The following CFAP46 variants were observed in gnomAD, a reference collection of about 807,000 sequenced individuals.
CFAP46 encodes the protein cilia- and flagella-associated protein 46.
In CFAP46, 245 loss-of-function variants were observed where a neutral mutation model predicts 325.7. That is an observed-to-expected ratio of 0.75 (90% confidence interval 0.68 to 0.84). CFAP46 has a LOEUF of 0.84. Ranked by LOEUF, CFAP46 falls within the 40% of genes least tolerant of loss-of-function variation. The pLI is 0.00. For missense variants in CFAP46, 3,346 were observed against 3,543.0 expected (o/e 0.94, Z 1.41); for synonymous variants, 1,523 against 1,495.9 (o/e 1.02, Z -0.42).
At position 132,814,764 on chromosome 10, in the gene CFAP46, G is replaced by T. The variant is rs550083484; in HGVS notation, c.7189-18C>A. 2.5e-6 allele frequency: 4 copies of T among 1,613,612 alleles called. No homozygotes were observed. The African/African-American group carries it at 4.0e-5, about 16-fold the overall frequency. The stretch of plus-strand genomic sequence containing the variant: ...ATGCTGCCCTGCAACCACAGACCAG[G>T]GTCAGCAGGTGCAGGGGCCAGGAGC... On this transcript the variant is annotated intron_variant, in intron 51 of 57. Coordinates refer to ENST00000368586, the MANE Select transcript of CFAP46 (RefSeq NM_001200049.3).
At chr10:132,836,083 C>G (rs1345900461) in intron 46 of CFAP46, 59 bp downstream of exon 46, 2 of 1,436,266 alleles carry the variant, frequency 1.4e-6, no homozygotes, top group East Asian at 4.8e-5. Flanking sequence ...CACCTCCCCA[C>G]TCTCGCCCAT....
chr10:132,885,809 G>A lies in CFAP46; in HGVS notation c.3443+12C>T, dbSNP rs1564789831. ...GGAGGGAGCACTCACAGGCGGTGGG[G>A]GGAGCACTCACAGGCGGTGGGCCGT... On this transcript the variant is annotated intron_variant, in intron 26 of 57. Coordinates refer to ENST00000368586, the MANE Select transcript of CFAP46 (RefSeq NM_001200049.3). The A allele has an allele frequency of 6.5e-7, 1 of 1,544,888 alleles. No homozygotes were observed. Among genetic ancestry groups the A allele is most frequent in the Non-Finnish European group, 8.7e-7 (1 of 1,145,072 alleles).
chr10:132,921,431 C>T (rs1824010487), intron 13 of CFAP46, among the ~76,000 whole-genome samples: 1 of 152,232 alleles, frequency 6.6e-6, no homozygotes, highest in Non-Finnish European at 1.5e-5. Flanking sequence ...AGTCCCCGCA[C>T]ATGGGCCGTA....
intron 24 of CFAP46, among the ~76,000 whole-genome samples, chr10:132,897,065 G>T (rs559110722): frequency 6.6e-6 from 1 of 152,302 alleles, no homozygotes; most frequent in African/African-American, 2.4e-5. Flanking sequence ...ACATGGAAAA[G>T]GCTGATGTTG....
Position 132,814,671 on chromosome 10 carries a change from C to T in CFAP46, c.7249+15G>A. 2 of 1,591,560 alleles carry T rather than the reference C, an allele frequency of 1.3e-6. No individual in the cohort carries two copies. The highest frequency in any genetic ancestry group is 1.1e-5 in the South Asian group (1 of 88,940). The stretch of plus-strand genomic sequence containing the variant: ...GGCGGGGTCTGGGGCCCCCCCGGGG[C>T]CCATCAAAGGATACACTTGAAGTTG... On this transcript the variant is annotated intron_variant, in intron 52 of 57. Coordinates refer to ENST00000368586, the MANE Select transcript of CFAP46 (RefSeq NM_001200049.3).
At chr10:132,812,572 G>A (rs574051762) in intron 55 of CFAP46, among the ~76,000 whole-genome samples, 26 of 152,128 alleles carry the variant, frequency 1.7e-4, no homozygotes, top group African/African-American at 5.5e-4. Context: ...TGGCTGCCAC[G>A]TCTGTGTGGG....
At chr10:132,931,067 C>CAA (rs1849892109) in intron 8 of CFAP46, among the ~76,000 whole-genome samples, 1 of 109,744 alleles carries the variant, frequency 9.1e-6, no homozygotes, top group Non-Finnish European at 1.9e-5. Context: ...CTGGGCCTCC[C>CAA]TCCTCTCCAC....
At chr10:132,862,275 A>G (rs970248617) in intron 35 of CFAP46, among the ~76,000 whole-genome samples, 4 of 152,152 alleles carry the variant, frequency 2.6e-5, no homozygotes, top group African/African-American at 4.8e-5. Context: ...CAAGGGTCCA[A>G]CGGGGCCGGG....
intron 22 of CFAP46, among the ~76,000 whole-genome samples, chr10:132,907,057 C>T (rs188133856): frequency 1.3e-5 from 2 of 152,392 alleles, no homozygotes; most frequent in East Asian, 1.9e-4. Flanking sequence ...CGCATCCCCA[C>T]GGGTGTGGCC....
chr10:132,823,098 ATGTGCTGATG>A (rs1460744245), intron 50 of CFAP46, among the ~76,000 whole-genome samples: 1 of 47,112 alleles, frequency 2.1e-5, no homozygotes, highest in African/African-American at 8.7e-5. Context: ...TGTGCTTTGT[ATGTGCTGATG>A]TGTGCTGTGT....
chr10:132,850,563 C>A, intron 40 of CFAP46, 131 bp from the exon 41 acceptor site: 2 of 895,778 alleles, frequency 2.2e-6, no homozygotes, highest in South Asian at 1.8e-5. Context: ...GAAAGCCTTG[C>A]CCCGCAGGGA....
chr10:132,930,266 G>T (rs1209989801), intron 8 of CFAP46, among the ~76,000 whole-genome samples: 1 of 135,814 alleles, frequency 7.4e-6, no homozygotes, highest in African/African-American at 2.9e-5. Flanking sequence ...ACAGAGCATG[G>T]GACTCCCCAC....
At chr10:132,880,831 G>T in intron 28 of CFAP46, 30 bp downstream of exon 28, 2 of 1,537,670 alleles carry the variant, frequency 1.3e-6, no homozygotes, top group Non-Finnish European at 8.7e-7. Context: ...GCGGCGTGGG[G>T]TCGGCACCCT....
At chr10:132,849,090 C>T (rs1014035417) in intron 41 of CFAP46, among the ~76,000 whole-genome samples, 2 of 152,224 alleles carry the variant, frequency 1.3e-5, no homozygotes, top group Admixed American at 6.5e-5. Context: ...GCGGGGGCCG[C>T]GGAAGAACCC....
chr10:132,850,263 T>G lies in CFAP46; in HGVS notation c.5933A>C (p.Tyr1978Ser). The change falls in exon 41 of 58, where the codon TAC (tyrosine) becomes TCC (serine). Residue 1978 changes from tyrosine to serine, a missense_variant. Transcript: ENST00000368586. The stretch of plus-strand genomic sequence containing the variant: ...ACCTACCGAGGGGCCCGCCTCCCAG[T>G]AGCAGGTAGGGTGCACAGGGTCAGC... ...MQADPVHPTCYWEAGPSVGAK... is the reference protein window; with the variant it reads ...MQADPVHPTCSWEAGPSVGAK... 1 of 1,550,752 alleles carries G rather than the reference T, an allele frequency of 6.4e-7. No homozygotes were observed. The highest frequency in any genetic ancestry group is 8.7e-7 in the Non-Finnish European group (1 of 1,146,910).
At position 132,814,877 on chromosome 10, in the gene CFAP46, G is replaced by A. The variant is rs1175677852; in HGVS notation, c.7155C>T (p.Pro2385=). The A allele has an allele frequency of 1.2e-6, 2 of 1,614,130 alleles. No individual in the cohort carries two copies. The highest frequency in any genetic ancestry group is 8.5e-7 in the Non-Finnish European group (1 of 1,179,998). The part of the protein sequence containing the change: ...GVKKEGRSRD[P]KKRSLAKKGR... ...CCTTCTTCGCTAGGCTTCTCTTTTT[G>A]GGGTCTCTGCTTCTTCCCTCCTTTT... The change falls in exon 51 of 58, where the codon CCC becomes CCT. Residue 2385 remains proline (P), a synonymous_variant. Coordinates refer to ENST00000368586, the MANE Select transcript of CFAP46 (RefSeq NM_001200049.3).
Position 132,832,078 on chromosome 10 carries a change from G to C in CFAP46, c.7117+1280C>G, listed in dbSNP as rs769106082. ...CTGTCGTCATTCATTTCACATTTAT[G>C]TTATAAAACCCCATACCATTATTAT... On this transcript the variant is annotated intron_variant, in intron 50 of 57. Coordinates refer to ENST00000368586, the MANE Select transcript of CFAP46 (RefSeq NM_001200049.3). The surrounding 1 kb of genome is among the most constrained non-coding windows in gnomAD (Gnocchi z 4.1). Among the ~76,000 whole-genome samples, 10 of 152,088 alleles carry C rather than the reference G, an allele frequency of 6.6e-5. No individual in the cohort carries two copies. Among genetic ancestry groups the C allele is most frequent in the Non-Finnish European group, 1.5e-4 (10 of 68,014 alleles).
rs1848513934 is a variant in CFAP46 at position 132,850,247 on chromosome 10, G to A, written c.5949C>T (p.Pro1983=). The A allele has an allele frequency of 6.4e-7, 1 of 1,550,614 alleles. No homozygotes were observed. Among genetic ancestry groups the A allele is most frequent in the Non-Finnish European group, 8.7e-7 (1 of 1,146,840 alleles). The change falls in exon 41 of 58, where the codon CCC becomes CCT. Residue 1983 remains proline (P), a synonymous_variant. Transcript: ENST00000368586. ...GGATAGAAGCAGGAGCACCTACCGAGGGGCCCGCCTCCCAGTAGCAGGTAG... is the reference window on the plus strand; with the variant it reads ...GGATAGAAGCAGGAGCACCTACCGAAGGGCCCGCCTCCCAGTAGCAGGTAG... ...VHPTCYWEAG[P]SVGAKLSGLK...
intron 22 of CFAP46, among the ~76,000 whole-genome samples, chr10:132,904,375 CTG>C (rs1310549649): frequency 7.0e-6 from 1 of 142,508 alleles, no homozygotes; most frequent in Non-Finnish European, 1.5e-5. Context: ...GGCGCCAACA[CTG>C]CGCCCAGGGC....
Sources: gnomAD v4.1 joint callset for allele counts (sites outside exome capture counted in the v4.1 genomes callset) on GRCh38, gnomAD v4.1.1 for gene constraint, Gnocchi (gnomAD v3.1) non-coding constraint, MANE v1.5 for transcripts, NCBI Gene and HGNC (gene_info 2026-07-23, HGNC 2026-07-21) for gene names.